Variants in NRG1 observed in about 807,000 individuals in gnomAD.
NRG1 encodes pro-neuregulin-1, membrane-bound isoform.
A neutral mutation model predicts 63.8 loss-of-function variants in NRG1; 18 were observed. That is an observed-to-expected ratio of 0.28 (90% CI 0.19 to 0.42). The LOEUF is 0.42. Ranked by LOEUF, NRG1 falls within the 10% of genes least tolerant of loss-of-function variation. The pLI is 1.00. For synonymous variants in NRG1, 302 were observed against 301.3 expected (o/e 1.00, Z -0.02); for missense variants, 762 against 814.7 (o/e 0.94, Z 0.79).
At chr8:31,766,895 T>A (rs2131548839) in intron 1 of NRG1, among the ~76,000 whole-genome samples, 1 of 152,342 alleles carries the variant, frequency 6.6e-6, no homozygotes, top group African/African-American at 2.4e-5. Context: ...TATACTTAGC[T>A]CTCTTGGGCA....
At chr8:32,320,401 G>A (rs1364133206) in intron 1 of NRG1, among the ~76,000 whole-genome samples, 12 of 152,144 alleles carry the variant, frequency 7.9e-5, no homozygotes, top group Non-Finnish European at 1.5e-4. Flanking sequence ...AACTACCTGA[G>A]ACTGGGTAAT....
At chr8:31,663,562 G>A (rs1212304252) in intron 1 of NRG1, among the ~76,000 whole-genome samples, 1 of 152,046 alleles carries the variant, frequency 6.6e-6, no homozygotes, top group Admixed American at 6.5e-5. Flanking sequence ...CACTTCTGTG[G>A]GTGTCCTACT....
intron 1 of NRG1, among the ~76,000 whole-genome samples, chr8:32,487,458 G>A (rs1826048049): frequency 6.6e-6 from 1 of 152,042 alleles, no homozygotes; most frequent in Non-Finnish European, 1.5e-5. Flanking sequence ...GCAGGGCTTG[G>A]TGACTCCTGG....
At chr8:31,667,095 G>T (rs981753371) in intron 1 of NRG1, among the ~76,000 whole-genome samples, 2 of 152,254 alleles carry the variant, frequency 1.3e-5, no homozygotes, top group Non-Finnish European at 2.9e-5. Flanking sequence ...AGACAAAGAC[G>T]TTCGTCTCAA....
At chr8:32,065,656 G>A (rs1238576692) in intron 1 of NRG1, among the ~76,000 whole-genome samples, 2 of 152,192 alleles carry the variant, frequency 1.3e-5, no homozygotes, top group Non-Finnish European at 2.9e-5. Context: ...ACCTGTGCAT[G>A]GGTCTTTATA....
At position 32,309,523 on chromosome 8, in the gene NRG1, C is replaced by A. The variant is rs192395775; in HGVS notation, c.38-286305C>A. ...TGTATACTTTTCTCTTGTTAATCTG[C>A]CTGGTGTCGATTTGGTTTCTAGGTC... On this transcript the variant is annotated intron_variant, in intron 1 of 10. Transcript: ENST00000519301. Among the ~76,000 whole-genome samples, 107 of 152,296 alleles carry A rather than the reference C, an allele frequency of 7.0e-4. No individual in the cohort carries two copies. The Middle Eastern group carries it at 0.01, about 15-fold the overall frequency.
In NRG1 at chr8:32,529,095, C is replaced by T. The variant is rs186251653; in HGVS notation, c.38-66733C>T. Reference sequence around the variant, plus strand: ...ACACAAACCTAGATGGTATAGTTCACTACACACCTAGGCTATGTGGTACAG... The same window carrying T: ...ACACAAACCTAGATGGTATAGTTCATTACACACCTAGGCTATGTGGTACAG... On this transcript the variant is annotated intron_variant, in intron 1 of 10. Coordinates refer to the NRG1 transcript ENST00000519301. Among the ~76,000 whole-genome samples, 30 of 152,312 alleles carry T rather than the reference C, an allele frequency of 2.0e-4. 1 individual carries two copies. Among genetic ancestry groups the T allele is most frequent in the Admixed American group, 2.0e-3 (30 of 15,304 alleles).
At chr8:32,337,682 A>AAAAAAAAAAAAAAAAAAAAAAAAAAT (rs1554511693) in intron 1 of NRG1, among the ~76,000 whole-genome samples, 4 of 116,632 alleles carry the variant, frequency 3.4e-5, no homozygotes, top group Non-Finnish European at 5.7e-5. Context: ...AAAAAAAAAA[A>AAAAAAAAAAAAAAAAAAAAAAAAAAT]GCTGATGCAG....
At chr8:31,708,954 C>G (rs1355813553) in intron 1 of NRG1, among the ~76,000 whole-genome samples, 1 of 152,160 alleles carries the variant, frequency 6.6e-6, no homozygotes, top group Non-Finnish European at 1.5e-5. Flanking sequence ...GGAAGCCATA[C>G]TGATAACCTA....
intron 1 of NRG1, among the ~76,000 whole-genome samples, chr8:32,261,357 T>TTGTGTG (rs1850344111): frequency 1.1e-5 from 1 of 89,114 alleles, no homozygotes; most frequent in East Asian, 2.9e-4. Flanking sequence ...ATGCTCCTAT[T>TTGTGTG]AGTGTGTGTG....
intron 1 of NRG1, among the ~76,000 whole-genome samples, chr8:32,014,297 T>G (rs1301600014): frequency 6.6e-6 from 1 of 152,166 alleles, no homozygotes; most frequent in Non-Finnish European, 1.5e-5. Flanking sequence ...TCCTAGGTAT[T>G]TTATTCTCTT....
intron 1 of NRG1, among the ~76,000 whole-genome samples, chr8:32,480,867 T>A (rs967922613): frequency 6.6e-6 from 1 of 152,082 alleles, no homozygotes; most frequent in Non-Finnish European, 1.5e-5. Context: ...ACCACGCTAT[T>A]CACAAGGGAT....
chr8:32,503,825 G>C (rs1447724911), intron 1 of NRG1, among the ~76,000 whole-genome samples: 3 of 152,120 alleles, frequency 2.0e-5, no homozygotes, highest in African/African-American at 7.2e-5. Flanking sequence ...GTGGAAGATG[G>C]CCAAGCAGGC....
At chr8:32,277,829 C>A (rs1185374054) in intron 1 of NRG1, among the ~76,000 whole-genome samples, 4 of 152,170 alleles carry the variant, frequency 2.6e-5, no homozygotes, top group Non-Finnish European at 5.9e-5. Flanking sequence ...GAAACCCTGG[C>A]CTTCTGGTGA....
chr8:32,068,900 G>C (rs1825312480), intron 1 of NRG1, among the ~76,000 whole-genome samples: 1 of 152,154 alleles, frequency 6.6e-6, no homozygotes, highest in Non-Finnish European at 1.5e-5. Flanking sequence ...CTCTGAGCTG[G>C]GACTCTGATG....
At chr8:32,728,847 C>T (rs535014129) in intron 6 of NRG1, among the ~76,000 whole-genome samples, 4 of 152,132 alleles carry the variant, frequency 2.6e-5, no homozygotes, top group South Asian at 4.2e-4. Flanking sequence ...GGGCAGATCA[C>T]GAGGTCAGGA....
chr8:32,561,203 T>C (rs373289955), intron 1 of NRG1, among the ~76,000 whole-genome samples: 4 of 152,236 alleles, frequency 2.6e-5, no homozygotes, highest in African/African-American at 7.2e-5. Context: ...GATGGCACTA[T>C]ATATGAATTC....
At chr8:32,022,352 G>A (rs561902563) in intron 1 of NRG1, among the ~76,000 whole-genome samples, 1 of 152,152 alleles carries the variant, frequency 6.6e-6, no homozygotes, top group South Asian at 2.1e-4. Flanking sequence ...CTTCCAGTGA[G>A]TCTGTCAGTC....
In NRG1 at chr8:32,623,615, C is replaced by T. The variant is rs59674889; in HGVS notation, c.502+6730C>T. Among the ~76,000 whole-genome samples the T allele has an allele frequency of 3.9e-5, 6 of 152,274 alleles. 1 individual carries two copies. In the South Asian group the frequency reaches 1.2e-3, roughly 32 times the overall value. On this transcript the variant is annotated intron_variant, in intron 5 of 11. Transcript: ENST00000356819. ...ATCTTTTTGGTTGGCTGGAGAGTTACTTACAGATTTTTAGGATACTAGAGT... is the reference window on the plus strand; with the variant it reads ...ATCTTTTTGGTTGGCTGGAGAGTTATTTACAGATTTTTAGGATACTAGAGT...
Sources: gnomAD v4.1 joint callset for allele counts (sites outside exome capture counted in the v4.1 genomes callset) on GRCh38, gnomAD v4.1.1 for gene constraint, MANE v1.5 for transcripts, NCBI Gene and HGNC (gene_info 2026-07-23, HGNC 2026-07-21) for gene names.